GRK4: variants seen among roughly 807,000 people sequenced by gnomAD.
The protein encoded by GRK4 is G protein-coupled receptor kinase 4.
GRK4 carries 73 observed loss-of-function variants against 77.9 expected under a neutral mutation model. The observed-to-expected ratio is 0.94, with a 90% CI of 0.78 to 1.14. The LOEUF (loss-of-function observed/expected upper bound fraction) is 1.14, where lower values mean the gene tolerates loss of function less well. Among genes scored for constraint, GRK4 ranks in the 50% most tolerant of loss-of-function variants. GRK4 has a pLI of 0.00. For synonymous variants in GRK4, 257 were observed against 254.4 expected, an observed-to-expected ratio of 1.01 and a Z score of -0.10; for missense variants, 729 against 700.2, an observed-to-expected ratio of 1.04 and a Z score of -0.46.
At chr4:3,012,905 G>A (rs546004724) in intron 7 of GRK4, among the ~76,000 whole-genome samples, 2 of 152,054 alleles carry the variant, frequency 1.3e-5, no homozygotes, top group South Asian at 4.1e-4. Context: ...GCTTTGGAAG[G>A]CCAAAGTGGG....
At position 3,038,407 on chromosome 4, in the gene GRK4, A is replaced by C. The variant is rs1388901097; in HGVS notation, c.1577A>C (p.Asn526Thr). ...GAATCTGGGTGTTTCAAAGACATCA[A>C]CAAAAGTGAAAGTGAGGAAGCTTTG... ...MIESGCFKDI[N>T]KSESEEALPL... is the part of the protein sequence containing the mutation. Residue 526 changes from asparagine to threonine, a missense_variant, in exon 15 of 16, where the codon AAC (asparagine) becomes ACC (threonine). Transcript: ENST00000398052. The C allele has an allele frequency of 1.2e-6, 2 of 1,614,252 alleles. No homozygotes were observed. The highest frequency in any genetic ancestry group is 3.3e-5 in the Admixed American group (2 of 60,026).
At position 2,988,829 on chromosome 4, in the gene GRK4, TG is replaced by T; in HGVS notation, c.253del (p.Asp85MetfsTer22). 6.3e-7 allele frequency: 1 copy of T among 1,589,244 alleles called. No individual in the cohort carries two copies. Among genetic ancestry groups the T allele is most frequent in the South Asian group, 1.1e-5 (1 of 90,640 alleles). On this transcript the variant is annotated frameshift_variant, in exon 3 of 16. Coordinates refer to ENST00000398052, the MANE Select transcript of GRK4 (RefSeq NM_182982.3). LOFTEE classifies it high-confidence loss of function. ...ACTCTAAAGAGGCACATTGAATTCT[TG>T]GATGCAGTGGTGAGCAGTTTATCTC... ...KPTLKRHIEFLDAVAEYEVAD... is the reference protein window; with the variant it reads ...KPTLKRHIEFXDAVAEYEVAD...
intron 5 of GRK4, 25 bp from the exon 6 acceptor site, chr4:3,007,711 A>G: frequency 6.9e-7 from 1 of 1,447,390 alleles, no homozygotes; most frequent in Non-Finnish European, 9.6e-7. Context: ...ACAAATGTAT[A>G]TAATTTTAAA....
In GRK4 at chr4:2,968,108, T is replaced by A. The variant is rs536441174; in HGVS notation, c.52+3986T>A. On this transcript the variant is annotated intron_variant, in intron 1 of 15. Coordinates refer to ENST00000398052, the MANE Select transcript of GRK4 (RefSeq NM_182982.3). The stretch of plus-strand genomic sequence containing the variant: ...GCCCGGCCTGTTTTGTTTTTTTTTT[T>A]AATTTAGGATTTTTTCCCTGTATAA... 7.9e-5 allele frequency among the ~76,000 whole-genome samples: 12 copies of A among 151,860 alleles called. No individual in the cohort carries two copies. The East Asian group carries it at 9.6e-4, about 12-fold the overall frequency.
At chr4:2,996,325 C>T (rs550278813) in intron 4 of GRK4, among the ~76,000 whole-genome samples, 2 of 152,272 alleles carry the variant, frequency 1.3e-5, no homozygotes, top group South Asian at 2.1e-4. Context: ...GAGGCTGAGG[C>T]AGACGGATCA....
chr4:3,037,484 G>A lies in GRK4; in HGVS notation c.1518G>A (p.Gly506=), dbSNP rs752841977. ...DEDFYARFAT[G]CVSIPWQNEM... ...ACTTCTATGCTCGGTTTGCTACCGG[G>A]TGTGTCTCCATCCCCTGGCAGAATG... Residue 506 remains glycine (G), a synonymous_variant, in exon 14 of 16, where the codon GGG becomes GGA. Coordinates refer to ENST00000398052, the MANE Select transcript of GRK4 (RefSeq NM_182982.3). 2 of 1,608,818 alleles carry A rather than the reference G, an allele frequency of 1.2e-6. No individual in the cohort carries two copies. The highest frequency in any genetic ancestry group is 1.3e-5 in the African/African-American group (1 of 74,940).
chr4:3,017,554 C>G (rs1734904188), intron 8 of GRK4, among the ~76,000 whole-genome samples: 1 of 152,206 alleles, frequency 6.6e-6, no homozygotes, highest in Admixed American at 6.5e-5. Flanking sequence ...GGGATCCTTA[C>G]TAATTCAAGG....
chr4:3,013,880 T>C (rs776305302), intron 8 of GRK4, 52 bp downstream of exon 8: 6 of 1,531,136 alleles, frequency 3.9e-6, no homozygotes, highest in South Asian at 1.3e-5. Flanking sequence ...CATAGCACTT[T>C]TGTCAGCCGA....
chr4:2,997,925 A>AT (rs1728422811), intron 4 of GRK4, among the ~76,000 whole-genome samples: 1 of 151,324 alleles, frequency 6.6e-6, no homozygotes, highest in East Asian at 1.9e-4. Context: ...AAAAAAAAAA[A>AT]GTAAAAGACT....
chr4:3,039,645 C>T (rs1741835531), intron 15 of GRK4, among the ~76,000 whole-genome samples: 3 of 147,404 alleles, frequency 2.0e-5, no homozygotes, highest in Non-Finnish European at 4.4e-5. Flanking sequence ...TTACAGGGAG[C>T]CGAGACTGCA....
intron 1 of GRK4, among the ~76,000 whole-genome samples, chr4:2,980,529 A>C (rs1722576748): frequency 6.6e-6 from 1 of 151,578 alleles, no homozygotes; most frequent in Non-Finnish European, 1.5e-5. Context: ...CTCAATGTGC[A>C]AATACCCCAG....
chr4:2,989,463 G>A (rs554600418), intron 3 of GRK4, among the ~76,000 whole-genome samples: 1 of 152,110 alleles, frequency 6.6e-6, no homozygotes, highest in East Asian at 1.9e-4. Context: ...TCCCAGGCTG[G>A]ACTGCAGTGG....
chr4:3,036,688 A>G (rs1557213), intron 13 of GRK4, among the ~76,000 whole-genome samples: 102,602 of 152,154 alleles, frequency 0.67, 36,060 homozygotes, highest in African/African-American at 0.88. Context: ...GGAGCTGCAG[A>G]CCTGGGTTCC....
chr4:3,038,500 T>A lies in GRK4; in HGVS notation c.1670T>A (p.Leu557His). The change falls in exon 15 of 16, where the codon CTC (leucine) becomes CAC (histidine). Residue 557 changes from leucine to histidine, a missense_variant. Transcript: ENST00000398052. ...SRPNRGFFYR[L>H]FRRGGCLTMV... The stretch of plus-strand genomic sequence containing the variant: ...CCAAACAGAGGCTTCTTCTATAGAC[T>A]CTTCAGAAGAGGGGTAAAAAGACTT... 2 of 1,612,130 alleles carry A rather than the reference T, an allele frequency of 1.2e-6. No homozygotes were observed. The highest frequency in any genetic ancestry group is 1.7e-6 in the Non-Finnish European group (2 of 1,179,634).
chr4:3,006,129 C>T (rs865939302), intron 5 of GRK4, among the ~76,000 whole-genome samples: 1 of 152,100 alleles, frequency 6.6e-6, no homozygotes, highest in African/African-American at 2.4e-5. Flanking sequence ...CCTGTAATCC[C>T]AACACTTTGG....
chr4:2,980,630 G>A (rs564831567), intron 1 of GRK4, among the ~76,000 whole-genome samples: 15 of 152,182 alleles, frequency 9.9e-5, no homozygotes, highest in African/African-American at 3.1e-4. Context: ...CCTCTTGCCT[G>A]ACAGGCTAGT....
At chr4:3,033,492 A>G (rs1336178107) in intron 12 of GRK4, among the ~76,000 whole-genome samples, 1 of 152,254 alleles carries the variant, frequency 6.6e-6, no homozygotes, top group African/African-American at 2.4e-5. Context: ...GTATGCTGGC[A>G]GCAAGCTCAA....
At chr4:3,037,148 C>T (rs1740958858) in intron 13 of GRK4, among the ~76,000 whole-genome samples, 4 of 151,636 alleles carry the variant, frequency 2.6e-5, no homozygotes. Flanking sequence ...CTGGCACAGA[C>T]AGTACCACAA....
At chr4:3,038,776 C>T (rs958172475) in intron 15 of GRK4, 64 of 400,018 alleles carry the variant, frequency 1.6e-4, no homozygotes, top group Non-Finnish European at 2.2e-4. Flanking sequence ...GTTCCCGTGT[C>T]GCTGACAAAA....
Sources: allele counts gnomAD v4.1 joint callset (sites outside exome capture counted in the v4.1 genomes callset), GRCh38; gene constraint gnomAD v4.1.1; transcripts MANE v1.5; gene names NCBI Gene and HGNC (gene_info 2026-07-23, HGNC 2026-07-21).